TBC1D1: variants seen among roughly 807,000 people sequenced by gnomAD.
TBC1D1 encodes TBC1 (tre-2/USP6, BUB2, cdc16) domain family, member 1.
In TBC1D1, 89 loss-of-function variants were observed where a neutral mutation model predicts 125.6. That is an observed-to-expected ratio of 0.71 (90% CI 0.60 to 0.85). TBC1D1 has a LOEUF of 0.85. Among genes scored for constraint, TBC1D1 ranks in the 40% least tolerant of loss-of-function variants. The pLI is 0.00. For synonymous variants in TBC1D1, 565 were observed against 564.1 expected, an observed-to-expected ratio of 1.00 and a Z score of -0.02; for missense variants, 1,377 against 1,469.2, an observed-to-expected ratio of 0.94 and a Z score of 1.03.
chr4:37,954,238 C>T (rs578191847), intron 2 of TBC1D1, among the ~76,000 whole-genome samples: 1 of 152,242 alleles, frequency 6.6e-6, no homozygotes, highest in East Asian at 1.9e-4. Flanking sequence ...GGGCAGACGT[C>T]TTCTAATATC....
chr4:38,082,703 C>T (rs778041546), intron 12 of TBC1D1, among the ~76,000 whole-genome samples: 5 of 152,210 alleles, frequency 3.3e-5, no homozygotes, highest in Admixed American at 6.5e-5. Context: ...ACTGGGGCTG[C>T]GCAGAGCTCT....
intron 2 of TBC1D1, among the ~76,000 whole-genome samples, chr4:37,940,299 T>A (rs537259052): frequency 4.2e-4 from 64 of 152,254 alleles, no homozygotes; most frequent in Non-Finnish European, 2.5e-4. Context: ...TGAATGGGAG[T>A]TCACTCATGA....
At chr4:38,073,907 C>A (rs1755136264) in intron 12 of TBC1D1, among the ~76,000 whole-genome samples, 1 of 152,198 alleles carries the variant, frequency 6.6e-6, no homozygotes, top group African/African-American at 2.4e-5. Flanking sequence ...TGGCTGCCTT[C>A]ATTTTTAATG....
chr4:38,136,522 T>G (rs545655673), intron 19 of TBC1D1, among the ~76,000 whole-genome samples: 1 of 152,340 alleles, frequency 6.6e-6, no homozygotes, highest in Admixed American at 6.5e-5. Context: ...GGCGTGGACG[T>G]GAATAAATGC....
intron 2 of TBC1D1, among the ~76,000 whole-genome samples, chr4:37,908,648 G>A (rs1420168251): frequency 1.3e-5 from 2 of 152,214 alleles, no homozygotes; most frequent in Non-Finnish European, 2.9e-5. Context: ...TTTAACAACT[G>A]TGACGGGACA....
chr4:37,949,365 T>C (rs1055228166), intron 2 of TBC1D1, among the ~76,000 whole-genome samples: 1 of 152,172 alleles, frequency 6.6e-6, no homozygotes, highest in African/African-American at 2.4e-5. Flanking sequence ...TCCTATTAGG[T>C]TGATGTATTT....
intron 2 of TBC1D1, among the ~76,000 whole-genome samples, chr4:37,926,985 C>G (rs368779392): frequency 6.6e-6 from 1 of 152,090 alleles, no homozygotes; most frequent in Non-Finnish European, 1.5e-5. Flanking sequence ...GGCATGGTGG[C>G]GCATGCCTGT....
intron 2 of TBC1D1, among the ~76,000 whole-genome samples, chr4:37,997,594 A>G (rs977344963): frequency 1.3e-5 from 2 of 152,188 alleles, no homozygotes; most frequent in African/African-American, 2.4e-5. Flanking sequence ...AACCTTTTTT[A>G]TGATTACAAA....
At chr4:38,132,935 TTTC>T in intron 18 of TBC1D1, 146 bp from the exon 21 acceptor site, 1 of 495,930 alleles carries the variant, frequency 2.0e-6, no homozygotes, top group East Asian at 3.4e-5. Context: ...GTGCGTAGTT[TTTC>T]TTATTTATTA....
intron 6 of TBC1D1, among the ~76,000 whole-genome samples, chr4:38,026,537 G>A (rs1745121983): frequency 6.6e-6 from 1 of 152,272 alleles, no homozygotes; most frequent in Non-Finnish European, 1.5e-5. Flanking sequence ...CCAGCCCAGA[G>A]CCTTGGCCAA....
chr4:38,048,517 C>T (rs1749892540), intron 10 of TBC1D1, among the ~76,000 whole-genome samples: 1 of 149,908 alleles, frequency 6.7e-6, no homozygotes, highest in African/African-American at 2.5e-5. Context: ...ATGTATGTAA[C>T]TTCTCCCTTT....
intron 9 of TBC1D1, among the ~76,000 whole-genome samples, chr4:38,045,582 C>T (rs1370634931): frequency 6.6e-6 from 1 of 152,168 alleles, no homozygotes; most frequent in East Asian, 1.9e-4. Context: ...CTGCCTATCA[C>T]TCATGCCAAA....
intron 12 of TBC1D1, among the ~76,000 whole-genome samples, chr4:38,071,738 TG>T (rs1317064180): frequency 1.3e-5 from 2 of 152,218 alleles, no homozygotes; most frequent in Non-Finnish European, 2.9e-5. Flanking sequence ...AAAGTTCTTC[TG>T]TTTGCTTAAA....
chr4:37,975,551 T>C (rs1732902142), intron 2 of TBC1D1, among the ~76,000 whole-genome samples: 1 of 152,148 alleles, frequency 6.6e-6, no homozygotes. Context: ...AGCGGGTGTT[T>C]TTTGTTGACA....
At chr4:38,019,182 A>T (rs888971195) in intron 4 of TBC1D1, among the ~76,000 whole-genome samples, 3 of 151,804 alleles carry the variant, frequency 2.0e-5, no homozygotes, top group African/African-American at 4.8e-5. Flanking sequence ...TTTTTTTTTT[A>T]AACTCTGGAT....
At chr4:38,062,141 C>T (rs1370752446) in intron 12 of TBC1D1, among the ~76,000 whole-genome samples, 2 of 152,082 alleles carry the variant, frequency 1.3e-5, no homozygotes, top group African/African-American at 4.8e-5. Context: ...ATTGCTGCCA[C>T]GTTGAGAGGG....
At chr4:38,036,938 AG>A (rs1747330476) in intron 8 of TBC1D1, among the ~76,000 whole-genome samples, 1 of 152,102 alleles carries the variant, frequency 6.6e-6, no homozygotes, top group Non-Finnish European at 1.5e-5. Context: ...CTAAGTTTTC[AG>A]TTAATTCTGG....
chr4:37,933,756 A>G (rs1196357634), intron 2 of TBC1D1, among the ~76,000 whole-genome samples: 1 of 152,058 alleles, frequency 6.6e-6, no homozygotes, highest in Non-Finnish European at 1.5e-5. Flanking sequence ...TCACCTCCGT[A>G]CTGATCGGAA....
intron 12 of TBC1D1, among the ~76,000 whole-genome samples, chr4:38,059,455 C>G (rs1338736512): frequency 6.6e-6 from 1 of 152,274 alleles, no homozygotes; most frequent in East Asian, 1.9e-4. Flanking sequence ...AAAAATAGAT[C>G]GTGAAATAGA....
Sources: gnomAD v4.1 joint callset for allele counts (sites outside exome capture counted in the v4.1 genomes callset) on GRCh38, gnomAD v4.1.1 for gene constraint, MANE v1.5 for transcripts, NCBI Gene and HGNC (gene_info 2026-07-23, HGNC 2026-07-21) for gene names.